Variants in PDZD2 observed in about 807,000 individuals in gnomAD.
The protein encoded by PDZD2 is PDZ domain containing 2.
In PDZD2, 90 loss-of-function variants were observed where a neutral mutation model predicts 220.7. The ratio of observed to expected loss-of-function variants is 0.41; its 90% CI spans 0.34 to 0.49. The LOEUF (loss-of-function observed/expected upper bound fraction) is 0.49, where lower values mean the gene tolerates loss of function less well. Among genes scored for constraint, PDZD2 ranks in the 20% least tolerant of loss-of-function variants. PDZD2 has a pLI of 0.28. For synonymous variants in PDZD2, 1,375 were observed against 1,450.5 expected (o/e 0.95, Z 1.18); for missense variants, 3,174 against 3,608.5 (o/e 0.88, Z 3.08).
chr5:31,789,196 C>G (rs954492118), intron 1 of PDZD2, among the ~76,000 whole-genome samples: 5 of 152,058 alleles, frequency 3.3e-5, no homozygotes, highest in African/African-American at 1.2e-4. Context: ...GCATTCTAAG[C>G]AAGAAAAAGG....
At chr5:32,107,178 C>T (rs137856235) in intron 24 of PDZD2, 6 of 152,018 alleles carry the variant, frequency 3.9e-5, no homozygotes, top group East Asian at 3.9e-4. Context: ...TGTGTGAGAA[C>T]GTAAATGGAG....
intron 2 of PDZD2, among the ~76,000 whole-genome samples, chr5:31,899,923 G>GAATAAATTTCTGTTAT (rs1242897109): frequency 6.6e-6 from 1 of 152,158 alleles, no homozygotes; most frequent in African/African-American, 2.4e-5. Flanking sequence ...CCAGCCTCCA[G>GAATAAATTTCTGTTAT]AATAAATTTC....
rs1197028492 is a variant in PDZD2 at position 32,087,892 on chromosome 5, T to A, written c.4444T>A (p.Ser1482Thr). Reference protein sequence around the residue: ...AEPVPGGQTSSPRRAWAAGAP... With the variant: ...AEPVPGGQTSTPRRAWAAGAP... ...ACCAGTCCCGGGGGGCCAGACCTCC[T>A]CCCCGAGGAGGGCCTGGGCTGCTGG... The change falls in exon 20 of 25, where the codon TCC becomes ACC. Residue 1482 changes from serine to threonine, a missense_variant. Physicochemically the swap from Ser to Thr is moderately conservative, Grantham distance 58 (BLOSUM62 1). Coordinates refer to ENST00000438447, the MANE Select transcript of PDZD2 (RefSeq NM_178140.4). This position sits in a 1 kb window ranked among gnomAD's most constrained non-coding sequence, Gnocchi z 4.0. 6.2e-7 allele frequency: 1 copy of A among 1,612,914 alleles called. No individual in the cohort carries two copies. The highest frequency in any genetic ancestry group is 8.5e-7 in the Non-Finnish European group (1 of 1,179,632).
At chr5:31,965,013 C>T (rs759013366) in intron 2 of PDZD2, among the ~76,000 whole-genome samples, 3 of 152,208 alleles carry the variant, frequency 2.0e-5, no homozygotes, top group Admixed American at 6.5e-5. Context: ...TGAGCCACCG[C>T]GCCCGGCCAG....
chr5:31,983,124 G>T (rs746283399), intron 2 of PDZD2, 31 bp from the exon 3 acceptor site: 5 of 1,593,386 alleles, frequency 3.1e-6, no homozygotes, highest in Non-Finnish European at 4.3e-6. Context: ...GGTGTGTGGG[G>T]TTCTAACTGG....
At chr5:31,858,790 C>T (rs1292802512) in intron 2 of PDZD2, among the ~76,000 whole-genome samples, 1 of 144,742 alleles carries the variant, frequency 6.9e-6, no homozygotes, top group Non-Finnish European at 1.5e-5. Flanking sequence ...ATGATTTCAA[C>T]TCACTGCAAC....
chr5:31,715,638 C>A (rs1383024142), intron 1 of PDZD2, among the ~76,000 whole-genome samples: 1 of 152,184 alleles, frequency 6.6e-6, no homozygotes, highest in Non-Finnish European at 1.5e-5. Flanking sequence ...AAAAGTTGTT[C>A]ACTAGAAAAG....
At chr5:31,752,871 C>T (rs1751091696) in intron 1 of PDZD2, among the ~76,000 whole-genome samples, 1 of 152,074 alleles carries the variant, frequency 6.6e-6, no homozygotes, top group South Asian at 2.1e-4. Context: ...TGGTGCCTTT[C>T]TTATGCCAAC....
chr5:31,959,859 C>T (rs1378380549), intron 2 of PDZD2, among the ~76,000 whole-genome samples: 1 of 152,072 alleles, frequency 6.6e-6, no homozygotes, highest in Non-Finnish European at 1.5e-5. Flanking sequence ...GAGGGAGAAA[C>T]CCACTTGGCC....
At chr5:31,685,266 G>C (rs1274130434) in intron 1 of PDZD2, among the ~76,000 whole-genome samples, 1 of 151,704 alleles carries the variant, frequency 6.6e-6, no homozygotes, top group African/African-American at 2.4e-5. Context: ...GGTTTACATT[G>C]AGTTTATAGA....
intron 2 of PDZD2, among the ~76,000 whole-genome samples, chr5:31,980,587 A>G (rs1357448829): frequency 6.6e-6 from 1 of 152,196 alleles, no homozygotes; most frequent in Non-Finnish European, 1.5e-5. Context: ...ATCTGAGCAC[A>G]TGTATTTAAA....
At chr5:31,955,989 C>T (rs888360862) in intron 2 of PDZD2, among the ~76,000 whole-genome samples, 3 of 152,126 alleles carry the variant, frequency 2.0e-5, no homozygotes, top group Non-Finnish European at 4.4e-5. Flanking sequence ...GGAAGAGATA[C>T]TTGATGTGAC....
chr5:31,780,146 GAA>G (rs1385505220), intron 1 of PDZD2, among the ~76,000 whole-genome samples: 5 of 152,132 alleles, frequency 3.3e-5, no homozygotes, highest in Non-Finnish European at 7.4e-5. Context: ...AGCATTGGTA[GAA>G]AGTTTGCAGA....
chr5:31,883,510 C>T (rs556686194), intron 2 of PDZD2, among the ~76,000 whole-genome samples: 28 of 151,994 alleles, frequency 1.8e-4, no homozygotes, highest in Non-Finnish European at 3.8e-4. Context: ...CATGAGCCAC[C>T]GTGTCTGGCC....
intron 2 of PDZD2, among the ~76,000 whole-genome samples, chr5:31,912,249 C>T (rs548976857): frequency 7.9e-5 from 12 of 152,270 alleles, no homozygotes; most frequent in South Asian, 6.2e-4. Context: ...GGTTCATAGA[C>T]GGTGCCTTCT....
chr5:31,945,724 G>A (rs550231895), intron 2 of PDZD2, among the ~76,000 whole-genome samples: 11 of 151,990 alleles, frequency 7.2e-5, no homozygotes, highest in African/African-American at 2.2e-4. Flanking sequence ...AGACCACATC[G>A]TCTTCCCTGG....
chr5:31,674,978 T>A (rs1376996480), intron 1 of PDZD2, among the ~76,000 whole-genome samples: 3 of 152,170 alleles, frequency 2.0e-5, no homozygotes, highest in Non-Finnish European at 2.9e-5. Context: ...CAGATCCCTG[T>A]TCTGTGCTAA....
At chr5:32,078,504 C>T (rs757992550) in intron 19 of PDZD2, among the ~76,000 whole-genome samples, 2 of 151,852 alleles carry the variant, frequency 1.3e-5, no homozygotes, top group Admixed American at 1.3e-4. Context: ...TGGTGGAGCA[C>T]GCTTATAATC....
intron 2 of PDZD2, among the ~76,000 whole-genome samples, chr5:31,863,855 A>G (rs1396929270): frequency 1.3e-5 from 2 of 152,186 alleles, no homozygotes; most frequent in East Asian, 3.8e-4. Context: ...TATGGTGAAG[A>G]CCTTTTGTAG....
Sources: allele counts gnomAD v4.1 joint callset (sites outside exome capture counted in the v4.1 genomes callset), GRCh38; gene constraint gnomAD v4.1.1; non-coding constraint Gnocchi (gnomAD v3.1); transcripts MANE v1.5; gene names NCBI Gene and HGNC (gene_info 2026-07-23, HGNC 2026-07-21).